The following PTK7 variants were observed in gnomAD, a reference collection of about 807,000 sequenced individuals.
PTK7 encodes the protein protein tyrosine kinase 7 (inactive), also known as inactive tyrosine-protein kinase 7.
In PTK7, 39 loss-of-function variants were observed where a neutral mutation model predicts 116.6. The ratio of observed to expected loss-of-function variants is 0.33; its 90% confidence interval spans 0.26 to 0.44. The LOEUF is 0.44. Ranked by LOEUF, PTK7 falls within the 20% of genes least tolerant of loss-of-function variation. The pLI is 1.00. For missense variants in PTK7, 1,169 were observed against 1,425.6 expected, an observed-to-expected ratio of 0.82 and a Z score of 2.90; for synonymous variants, 546 against 563.6, an observed-to-expected ratio of 0.97 and a Z score of 0.44.
At chr6:43,113,551 G>C (rs1768310872) in intron 1 of PTK7, among the ~76,000 whole-genome samples, 1 of 152,192 alleles carries the variant, frequency 6.6e-6, no homozygotes, top group Non-Finnish European at 1.5e-5. Flanking sequence ...CTTGGGAGCT[G>C]GGGGTATGTG....
chr6:43,132,360 A>G, intron 6 of PTK7, 61 bp from the exon 7 acceptor site: 1 of 1,524,970 alleles, frequency 6.6e-7, no homozygotes. Context: ...GCTGTGGGAG[A>G]ACATCATGTA....
intron 1 of PTK7, among the ~76,000 whole-genome samples, chr6:43,128,122 C>T (rs899168971): frequency 3.9e-5 from 6 of 152,164 alleles, no homozygotes; most frequent in African/African-American, 2.4e-5. Flanking sequence ...ATGCTGGCAC[C>T]GTCGAGGGGC....
At chr6:43,116,641 TGTGTGTGTGTGCGC>T (rs1211747556) in intron 1 of PTK7, among the ~76,000 whole-genome samples, 1 of 112,912 alleles carries the variant, frequency 8.9e-6, no homozygotes, top group South Asian at 2.9e-4. Flanking sequence ...TGTGTGTGTG[TGTGTGTGTGTGCGC>T]GCGCACGCAC....
In PTK7 at chr6:43,143,641, A is replaced by T; in HGVS notation, c.2251+21A>T. The T allele has an allele frequency of 6.2e-7, 1 of 1,603,334 alleles. No homozygotes were observed. The highest frequency in any genetic ancestry group is 8.5e-7 in the Non-Finnish European group (1 of 1,176,118). On this transcript the variant is annotated intron_variant, in intron 14 of 19. Coordinates refer to ENST00000230419, the MANE Select transcript of PTK7 (RefSeq NM_002821.5). The surrounding 1 kb of genome is among the most constrained non-coding windows in gnomAD (Gnocchi z 4.2). ...CAACGGTGAGGGGCCCTGGACGGGG[A>T]GGTGGTGCCCGTGTGCGGGAGCTGA...
chr6:43,099,547 A>G (rs1429095898), intron 1 of PTK7, among the ~76,000 whole-genome samples: 1 of 152,098 alleles, frequency 6.6e-6, no homozygotes, highest in Admixed American at 6.5e-5. Flanking sequence ...AGTACATTCT[A>G]GGTACCCAGT....
chr6:43,147,682 A>G (rs188909500), intron 17 of PTK7, among the ~76,000 whole-genome samples: 63 of 152,248 alleles, frequency 4.1e-4, no homozygotes, highest in African/African-American at 6.3e-4. Context: ...GCTGCCCCCA[A>G]TCTCTCTGGG....
At chr6:43,083,466 C>A (rs1488738790) in intron 1 of PTK7, among the ~76,000 whole-genome samples, 1 of 152,236 alleles carries the variant, frequency 6.6e-6, no homozygotes, top group Non-Finnish European at 1.5e-5. Context: ...AGCCCCCTGG[C>A]GCTTTGGTGG....
At chr6:43,128,160 T>C (rs1193296803) in intron 1 of PTK7, among the ~76,000 whole-genome samples, 1 of 152,214 alleles carries the variant, frequency 6.6e-6, no homozygotes, top group Admixed American at 6.5e-5. Flanking sequence ...TCCAGGGTGC[T>C]GTTTGGGTCA....
chr6:43,142,255 A>G lies in PTK7; in HGVS notation c.2003A>G (p.Asn668Ser). The change falls in exon 13 of 20, where the codon AAC becomes AGC. Residue 668 changes from asparagine (N) to serine (S), a missense_variant. Around this residue, in one of 3 missense-constraint regions of PTK7, gnomAD observed 678 missense variants for 853.8 expected, o/e 0.79. Coordinates refer to ENST00000230419, the MANE Select transcript of PTK7 (RefSeq NM_002821.5). The part of the protein sequence containing the change: ...DSGRYTCIAG[N>S]SCNIKHTEAP... The stretch of plus-strand genomic sequence containing the variant: ...GGCCGCTACACCTGCATTGCAGGCA[A>G]CAGCTGCAACATCAAGCACACGGAG... 6.2e-7 allele frequency: 1 copy of G among 1,614,016 alleles called. No homozygotes were observed. The highest frequency in any genetic ancestry group is 8.5e-7 in the Non-Finnish European group (1 of 1,179,946).
At chr6:43,135,534 A>T (rs542503439) in intron 7 of PTK7, among the ~76,000 whole-genome samples, 3 of 152,352 alleles carry the variant, frequency 2.0e-5, no homozygotes, top group South Asian at 4.1e-4. Context: ...GTGAGAGTTT[A>T]GGGAAGACTT....
intron 7 of PTK7, among the ~76,000 whole-genome samples, chr6:43,135,791 C>T (rs1045116550): frequency 6.6e-5 from 10 of 152,236 alleles, no homozygotes; most frequent in African/African-American, 2.2e-4. Flanking sequence ...TAGCAAACCA[C>T]TTCAAAACGT....
chr6:43,114,288 A>G (rs960818013), intron 1 of PTK7, among the ~76,000 whole-genome samples: 1 of 151,952 alleles, frequency 6.6e-6, no homozygotes, highest in African/African-American at 2.4e-5. Context: ...GTGTCTCTGC[A>G]TGTTGATCTC....
chr6:43,159,550 T>A lies in PTK7; in HGVS notation c.2874-238T>A, dbSNP rs185972794. 387 of 573,502 alleles carry A rather than the reference T, an allele frequency of 6.7e-4. 4 individuals carry two copies. The East Asian group carries it at 9.6e-3, about 14-fold the overall frequency. 35.5% of individuals were successfully genotyped at this position (573,502 alleles called of 1,614,324 possible). A position where few individuals can be genotyped will look rare whatever the true frequency, so the allele number is the denominator to read the frequency against. On this transcript the variant is annotated intron_variant, in intron 18 of 19. Transcript: ENST00000230419. ...TGACTATTAACTTTTCTGTTAACAT[T>A]TAGGCAAAGTTTGATTCTTAATGGA...
At chr6:43,095,626 G>C (rs114540305) in intron 1 of PTK7, among the ~76,000 whole-genome samples, 1 of 152,184 alleles carries the variant, frequency 6.6e-6, no homozygotes, top group Non-Finnish European at 1.5e-5. Flanking sequence ...GCTCTTCTCC[G>C]CTTCGGTTGG....
intron 19 of PTK7, among the ~76,000 whole-genome samples, chr6:43,160,499 G>A (rs1002540944): frequency 6.6e-6 from 1 of 152,118 alleles, no homozygotes; most frequent in African/African-American, 2.4e-5. Context: ...ACGCCTGTCC[G>A]CCAGCCCACT....
At position 43,077,427 on chromosome 6, in the gene PTK7, G is replaced by T. The variant is rs980401765; in HGVS notation, c.79+860G>T. On this transcript the variant is annotated intron_variant, in intron 1 of 19. Transcript: ENST00000230419. ...AAAGAGCTCATTCTGGCTTTTCTTG[G>T]GGGGGGGCCTTAGCATTTTAACGAG... Among the ~76,000 whole-genome samples, 4 of 152,046 alleles carry T rather than the reference G, an allele frequency of 2.6e-5. No individual in the cohort carries two copies. The East Asian group carries it at 7.7e-4, about 29-fold the overall frequency.
intron 1 of PTK7, among the ~76,000 whole-genome samples, chr6:43,077,471 A>G (rs536734153): frequency 2.6e-5 from 4 of 152,208 alleles, no homozygotes; most frequent in African/African-American, 7.2e-5. Context: ...CCTCATCACC[A>G]GGGCAGACAG....
Position 43,129,185 on chromosome 6 carries a change from T to A in PTK7, c.288T>A (p.Ser96=). Residue 96 remains serine (S), a synonymous_variant, in exon 2 of 20, where the codon TCT becomes TCA. Transcript: ENST00000230419. This position sits in a 1 kb window ranked among gnomAD's most constrained non-coding sequence, Gnocchi z 4.5. ...CAGCTGTGGACCGGCTGCAGGACTC[T>A]GGCACCTTCCAGTGTGTGGCTCGGG... ...SFAAVDRLQD[S]GTFQCVARDD... 6.2e-7 allele frequency: 1 copy of A among 1,614,186 alleles called. No individual in the cohort carries two copies. The highest frequency in any genetic ancestry group is 8.5e-7 in the Non-Finnish European group (1 of 1,180,042).
At chr6:43,081,144 G>A (rs1766353895) in intron 1 of PTK7, among the ~76,000 whole-genome samples, 1 of 151,832 alleles carries the variant, frequency 6.6e-6, no homozygotes, top group African/African-American at 2.4e-5. Context: ...TCTTTCCTTC[G>A]GGCCAGTCCC....
Sources: gnomAD v4.1 joint callset for allele counts (sites outside exome capture counted in the v4.1 genomes callset) on GRCh38, gnomAD v4.1.1 for gene constraint, gnomAD v4.1.1 regional missense constraint, Gnocchi (gnomAD v3.1) non-coding constraint, MANE v1.5 for transcripts, NCBI Gene and HGNC (gene_info 2026-07-23, HGNC 2026-07-21) for gene names.